ANKS1B: variants seen among roughly 807,000 people sequenced by gnomAD.
The protein encoded by ANKS1B is ankyrin repeat and sterile alpha motif domain containing 1B.
In ANKS1B, 36 loss-of-function variants were observed where a neutral mutation model predicts 148.3. The observed-to-expected ratio is 0.24, with a 90% CI of 0.19 to 0.32. ANKS1B has a LOEUF of 0.32. ANKS1B is among the 10% of genes least tolerant of loss of function. The pLI is 1.00. For synonymous variants in ANKS1B, 542 were observed against 560.8 expected (o/e 0.97, Z 0.47); for missense variants, 1,157 against 1,542.6 (o/e 0.75, Z 4.19).
intron 9 of ANKS1B, among the ~76,000 whole-genome samples, chr12:99,548,468 A>G (rs2097190374): frequency 6.6e-6 from 1 of 152,170 alleles, no homozygotes; most frequent in African/African-American, 2.4e-5. Context: ...GTTTTTTTAA[A>G]GACAATAGAA....
intron 14 of ANKS1B, among the ~76,000 whole-genome samples, chr12:99,174,637 AAAAGG>A (rs1318360149): frequency 2.0e-5 from 3 of 152,172 alleles, no homozygotes; most frequent in Admixed American, 6.5e-5. Context: ...TTGGAGTCTG[AAAAGG>A]AAGCCAACAT....
intron 14 of ANKS1B, among the ~76,000 whole-genome samples, chr12:99,167,107 CTCAAACTGTA>C (rs2077260078): frequency 6.6e-6 from 1 of 151,942 alleles, no homozygotes; most frequent in Admixed American, 6.6e-5. Context: ...TAAAAATTAT[CTCAAACTGTA>C]TCATAGGCCT....
In ANKS1B at chr12:99,758,208, C is replaced by T. The variant is rs374847989; in HGVS notation, c.1128+14714G>A. Among the ~76,000 whole-genome samples, 11 of 151,926 alleles carry T rather than the reference C, an allele frequency of 7.2e-5. No homozygotes were observed. In the South Asian group the frequency reaches 1.7e-3, roughly 23 times the overall value. ...AGGTGTGGGTTAGAATTAAGAGAGA[C>T]TGATTGCAAAGAAAGGAACAAAAAC... On this transcript the variant is annotated intron_variant, in intron 8 of 26. Coordinates refer to ENST00000683438, the MANE Select transcript of ANKS1B (RefSeq NM_001352186.2).
intron 12 of ANKS1B, among the ~76,000 whole-genome samples, chr12:99,387,477 G>C (rs150379797): frequency 0.017 from 2,551 of 152,224 alleles, 76 homozygotes; most frequent in African/African-American, 0.058. Flanking sequence ...TTAGCCAAGT[G>C]TGGTGGTGCG....
intron 1 of ANKS1B, among the ~76,000 whole-genome samples, chr12:99,899,613 T>C (rs1442253926): frequency 6.6e-6 from 1 of 152,130 alleles, no homozygotes; most frequent in Non-Finnish European, 1.5e-5. Context: ...ATGCACATAG[T>C]TTATTTCAAG....
intron 12 of ANKS1B, among the ~76,000 whole-genome samples, chr12:99,316,108 A>C (rs1263077883): frequency 6.6e-6 from 1 of 152,132 alleles, no homozygotes; most frequent in African/African-American, 2.4e-5. Context: ...CTTTACTATT[A>C]TGAATAGTGC....
intron 17 of ANKS1B, among the ~76,000 whole-genome samples, chr12:98,916,261 C>T (rs997313264): frequency 3.3e-5 from 5 of 152,318 alleles, no homozygotes; most frequent in South Asian, 2.1e-4. Context: ...AGATCAGTCA[C>T]GATGATGTCA....
At chr12:99,151,161 G>GA (rs1439104058) in intron 15 of ANKS1B, among the ~76,000 whole-genome samples, 19 of 152,112 alleles carry the variant, frequency 1.2e-4, no homozygotes, top group East Asian at 7.7e-4. Flanking sequence ...AAGATACAGG[G>GA]AAAAAATCAC....
chr12:99,023,166 T>C (rs1447584242), intron 17 of ANKS1B, among the ~76,000 whole-genome samples: 1 of 152,184 alleles, frequency 6.6e-6, no homozygotes, highest in Non-Finnish European at 1.5e-5. Context: ...ATCACTGTTA[T>C]TGGTTATTTT....
chr12:99,427,534 C>T (rs964768506), intron 11 of ANKS1B, among the ~76,000 whole-genome samples: 2 of 152,192 alleles, frequency 1.3e-5, no homozygotes, highest in African/African-American at 4.8e-5. Context: ...GACTCCTCCT[C>T]CAAATACTGT....
At chr12:99,115,279 C>T (rs2061113337) in intron 15 of ANKS1B, among the ~76,000 whole-genome samples, 1 of 152,156 alleles carries the variant, frequency 6.6e-6, no homozygotes, top group African/African-American at 2.4e-5. Flanking sequence ...CCATGGAATA[C>T]CATGCAGCCA....
At position 99,034,711 on chromosome 12, in the gene ANKS1B, T is replaced by C. The variant is rs576478566; in HGVS notation, c.2778+18446A>G. Among the ~76,000 whole-genome samples the C allele has an allele frequency of 1.4e-3, 210 of 152,282 alleles. 2 individuals carry two copies. Among genetic ancestry groups the C allele is most frequent in the African/African-American group, 4.8e-3 (200 of 41,562 alleles). On this transcript the variant is annotated intron_variant, in intron 17 of 26. Coordinates refer to ENST00000683438, the MANE Select transcript of ANKS1B (RefSeq NM_001352186.2). The stretch of plus-strand genomic sequence containing the variant: ...AGAGGAGCTGGAGGAGAACATGATA[T>C]TAAGCCAAGTATTTAAAAACTACTG...
At chr12:98,967,099 C>A (rs529850068) in intron 17 of ANKS1B, among the ~76,000 whole-genome samples, 1 of 152,076 alleles carries the variant, frequency 6.6e-6, no homozygotes, top group African/African-American at 2.4e-5. Flanking sequence ...TGTGGAATCA[C>A]CACAGATGCC....
intron 14 of ANKS1B, among the ~76,000 whole-genome samples, chr12:99,204,524 T>C (rs2082410079): frequency 1.3e-5 from 2 of 152,270 alleles, no homozygotes; most frequent in Non-Finnish European, 1.5e-5. Context: ...ATCAAGTTTT[T>C]AGTTTTATGC....
chr12:98,970,365 T>C (rs1261285960), intron 17 of ANKS1B, among the ~76,000 whole-genome samples: 3 of 152,218 alleles, frequency 2.0e-5, no homozygotes, highest in East Asian at 1.9e-4. Context: ...ACCTGGGCAA[T>C]GGTAGCACAC....
chr12:99,888,773 CT>C (rs1379806517), intron 1 of ANKS1B, among the ~76,000 whole-genome samples: 2 of 152,098 alleles, frequency 1.3e-5, no homozygotes, highest in African/African-American at 4.8e-5. Flanking sequence ...GAAGAATTTC[CT>C]CATTCTAAAT....
At chr12:99,174,078 T>C (rs935764746) in intron 14 of ANKS1B, among the ~76,000 whole-genome samples, 2 of 152,224 alleles carry the variant, frequency 1.3e-5, no homozygotes, top group African/African-American at 4.8e-5. Context: ...AGAGATCCTC[T>C]TCCTTGCTGG....
chr12:99,761,649 G>A (rs1264466589), intron 8 of ANKS1B, among the ~76,000 whole-genome samples: 11 of 151,988 alleles, frequency 7.2e-5, no homozygotes. Context: ...AGACAAGTAT[G>A]GCTACTCTCA....
At chr12:98,984,644 C>T (rs1437712853) in intron 17 of ANKS1B, among the ~76,000 whole-genome samples, 3 of 152,206 alleles carry the variant, frequency 2.0e-5, no homozygotes, top group African/African-American at 7.2e-5. Context: ...TAATATGTTT[C>T]TCACTTCTTT....
Sources: allele counts gnomAD v4.1 joint callset (sites outside exome capture counted in the v4.1 genomes callset), GRCh38; gene constraint gnomAD v4.1.1; transcripts MANE v1.5; gene names NCBI Gene and HGNC (gene_info 2026-07-23, HGNC 2026-07-21).